PRR16: variants seen among roughly 807,000 people sequenced by gnomAD.
The protein encoded by PRR16 is proline rich 16.
In PRR16, 6 loss-of-function variants were observed where a neutral mutation model predicts 18.2. That is an observed-to-expected ratio of 0.33 (90% CI 0.18 to 0.65). The LOEUF is 0.65. Among genes scored for constraint, PRR16 ranks in the 30% least tolerant of loss-of-function variants. The pLI is 0.74. For synonymous variants in PRR16, 151 were observed against 147.8 expected, an observed-to-expected ratio of 1.02 and a Z score of -0.16; for missense variants, 412 against 376.6, an observed-to-expected ratio of 1.09 and a Z score of -0.78.
the PRR16 span, among the ~76,000 whole-genome samples, chr5:120,793,809 C>T: frequency 6.6e-6 from 1 of 152,190 alleles, no homozygotes; most frequent in South Asian, 2.1e-4. Context: ...ATATAATGTA[C>T]TTACATGAAC....
At chr5:120,506,589 A>G (rs530110192) in intron 1 of PRR16, among the ~76,000 whole-genome samples, 1 of 152,212 alleles carries the variant, frequency 6.6e-6, no homozygotes, top group South Asian at 2.1e-4. Flanking sequence ...ATACCGTATC[A>G]TAGTTTTGAT....
chr5:120,752,271 T>G, the PRR16 span, among the ~76,000 whole-genome samples: 1 of 152,080 alleles, frequency 6.6e-6, no homozygotes, highest in East Asian at 1.9e-4. Context: ...TGAAATAAGC[T>G]ATAAATACAT....
At chr5:120,779,641 T>A in the PRR16 span, among the ~76,000 whole-genome samples, 1 of 152,184 alleles carries the variant, frequency 6.6e-6, no homozygotes, top group Non-Finnish European at 1.5e-5. Context: ...CTGTAGTACT[T>A]TTTATGCTCT....
chr5:120,586,179 A>AG (rs916568022), intron 1 of PRR16, among the ~76,000 whole-genome samples: 4 of 151,930 alleles, frequency 2.6e-5, no homozygotes, highest in African/African-American at 9.7e-5. Context: ...CTCAAAAAAA[A>AG]AAAAATATGT....
chr5:120,746,926 G>T, the PRR16 span, among the ~76,000 whole-genome samples: 1 of 152,036 alleles, frequency 6.6e-6, no homozygotes, highest in South Asian at 2.1e-4. Context: ...CATAGTTATT[G>T]GATAAAATCA....
chr5:120,625,646 A>G (rs534408747), intron 1 of PRR16, among the ~76,000 whole-genome samples: 109 of 152,220 alleles, frequency 7.2e-4, no homozygotes, highest in African/African-American at 2.6e-3. Flanking sequence ...CCAGAAAATA[A>G]GTTCTTTGCT....
chr5:120,755,120 A>C, the PRR16 span, among the ~76,000 whole-genome samples: 1 of 152,108 alleles, frequency 6.6e-6, no homozygotes, highest in South Asian at 2.1e-4. Context: ...CAGCACACCA[A>C]CATGGCACAT....
intron 1 of PRR16, chr5:120,481,146 C>T (rs1393251116): frequency 2.7e-6 from 3 of 1,099,542 alleles, no homozygotes; most frequent in African/African-American, 3.9e-5. Context: ...TAAAATATAT[C>T]TTATTTTATT....
the PRR16 span, among the ~76,000 whole-genome samples, chr5:120,776,678 G>A: frequency 1.3e-5 from 2 of 152,142 alleles, no homozygotes; most frequent in East Asian, 3.9e-4. Flanking sequence ...TCAAAACAGA[G>A]AGATAACAGA....
chr5:120,746,889 A>G, the PRR16 span, among the ~76,000 whole-genome samples: 2 of 152,176 alleles, frequency 1.3e-5, no homozygotes, highest in Admixed American at 1.3e-4. Context: ...CACAGGAGAA[A>G]TTATTTTGAC....
intron 1 of PRR16, among the ~76,000 whole-genome samples, chr5:120,675,546 A>G (rs1259847747): frequency 1.3e-5 from 2 of 152,016 alleles, no homozygotes; most frequent in Non-Finnish European, 2.9e-5. Context: ...CCACCTTTTT[A>G]TTAACTCATC....
chr5:120,758,806 A>C, the PRR16 span, among the ~76,000 whole-genome samples: 1 of 152,108 alleles, frequency 6.6e-6, no homozygotes, highest in African/African-American at 2.4e-5. Context: ...TCTTTATAGT[A>C]CTATGAAAAC....
intron 1 of PRR16, among the ~76,000 whole-genome samples, chr5:120,607,439 G>A (rs541234996): frequency 6.6e-6 from 1 of 152,212 alleles, no homozygotes; most frequent in East Asian, 1.9e-4. Context: ...TAGTTTCTTT[G>A]AAGATATTTT....
At chr5:120,646,635 A>C (rs1452852019) in intron 1 of PRR16, among the ~76,000 whole-genome samples, 2 of 152,042 alleles carry the variant, frequency 1.3e-5, no homozygotes, top group African/African-American at 4.8e-5. Flanking sequence ...TGTTTTAGTA[A>C]GAAAATCTAG....
rs73786234 is a variant in PRR16 at position 120,523,006 on chromosome 5, T to C, written c.159+58361T>C. Among the ~76,000 whole-genome samples the C allele has an allele frequency of 4.9e-3, 743 of 152,348 alleles. 6 individuals carry two copies. The highest frequency in any genetic ancestry group is 0.017 in the African/African-American group (715 of 41,588). ...AGAACTTATTCATAGGAGTCATTTTTATATTAAAACTTTGAGCTTGTTATC... is the reference window on the plus strand; with the variant it reads ...AGAACTTATTCATAGGAGTCATTTTCATATTAAAACTTTGAGCTTGTTATC... On this transcript the variant is annotated intron_variant, in intron 1 of 1. Coordinates refer to ENST00000407149, the MANE Select transcript of PRR16 (RefSeq NM_001300783.2).
chr5:120,479,180 A>G (rs1447728799), intron 1 of PRR16, among the ~76,000 whole-genome samples: 1 of 152,160 alleles, frequency 6.6e-6, no homozygotes, highest in East Asian at 1.9e-4. Flanking sequence ...TTGTTTGGAG[A>G]TTATCCTATC....
At chr5:120,723,636 A>G in the PRR16 span, among the ~76,000 whole-genome samples, 1 of 152,104 alleles carries the variant, frequency 6.6e-6, no homozygotes, top group East Asian at 1.9e-4. Flanking sequence ...TGATTTTCAC[A>G]AAGCCTGAAC....
the PRR16 span, among the ~76,000 whole-genome samples, chr5:120,736,615 A>G: frequency 1.8e-5 from 1 of 54,836 alleles, no homozygotes. Context: ...GTTTTTTTCT[A>G]TTTCTGCAAA....
the PRR16 span, among the ~76,000 whole-genome samples, chr5:120,722,082 T>C: frequency 2.6e-5 from 4 of 152,106 alleles, no homozygotes; most frequent in South Asian, 8.3e-4. Flanking sequence ...TTCCATGTGT[T>C]CTCATTGTTG....
Sources: gnomAD v4.1 joint callset for allele counts (sites outside exome capture counted in the v4.1 genomes callset) on GRCh38, gnomAD v4.1.1 for gene constraint, MANE v1.5 for transcripts, NCBI Gene and HGNC (gene_info 2026-07-23, HGNC 2026-07-21) for gene names.